Variants in KLHL1 observed in about 807,000 individuals in gnomAD.
KLHL1 encodes the protein kelch-like protein 1.
A neutral mutation model predicts 77.7 loss-of-function variants in KLHL1; 47 were observed. The observed-to-expected ratio is 0.60, with a 90% CI of 0.48 to 0.77. The LOEUF (loss-of-function observed/expected upper bound fraction) is 0.77. KLHL1 is among the 30% of genes least tolerant of loss of function. The pLI is 0.00. For missense variants in KLHL1, 925 were observed against 910.8 expected, an observed-to-expected ratio of 1.02 and a Z score of -0.20; for synonymous variants, 360 against 325.2, an observed-to-expected ratio of 1.11 and a Z score of -1.15.
chr13:69,834,353 A>T (rs2138100094), intron 6 of KLHL1, among the ~76,000 whole-genome samples: 1 of 152,150 alleles, frequency 6.6e-6, no homozygotes, highest in African/African-American at 2.4e-5. Context: ...ACTTAAAAAA[A>T]ATCAGTTACT....
intron 7 of KLHL1, among the ~76,000 whole-genome samples, chr13:69,760,587 T>C (rs1874974776): frequency 6.6e-6 from 1 of 152,066 alleles, no homozygotes; most frequent in Non-Finnish European, 1.5e-5. Flanking sequence ...TCTCCTGACC[T>C]CAGGTGATCC....
At chr13:70,034,123 C>T (rs1886183872) in intron 1 of KLHL1, among the ~76,000 whole-genome samples, 1 of 152,092 alleles carries the variant, frequency 6.6e-6, no homozygotes, top group Non-Finnish European at 1.5e-5. Flanking sequence ...GCCAAGTTTG[C>T]AAAAACTTTC....
chr13:69,861,960 C>T (rs1165289999), intron 5 of KLHL1, among the ~76,000 whole-genome samples: 1 of 121,842 alleles, frequency 8.2e-6, no homozygotes, highest in African/African-American at 3.1e-5. Context: ...AGCGAAACTC[C>T]GTCTCAAAAT....
chr13:69,844,998 C>T (rs1879406011), intron 5 of KLHL1, among the ~76,000 whole-genome samples: 2 of 151,518 alleles, frequency 1.3e-5, no homozygotes, highest in Admixed American at 1.3e-4. Flanking sequence ...ATCTGTGAAC[C>T]CACAAAAATA....
intron 1 of KLHL1, among the ~76,000 whole-genome samples, chr13:70,071,918 A>C (rs1455616005): frequency 6.6e-6 from 1 of 152,126 alleles, no homozygotes; most frequent in Non-Finnish European, 1.5e-5. Flanking sequence ...ACAGAAGAGA[A>C]AATTAAGCCT....
intron 1 of KLHL1, among the ~76,000 whole-genome samples, chr13:69,988,290 G>A (rs1448426172): frequency 6.6e-6 from 1 of 152,050 alleles, no homozygotes; most frequent in African/African-American, 2.4e-5. Context: ...GCAAGGACAT[G>A]ACCTCATTCT....
At chr13:69,915,272 C>G (rs940982233) in intron 4 of KLHL1, among the ~76,000 whole-genome samples, 1 of 152,118 alleles carries the variant, frequency 6.6e-6, no homozygotes, top group East Asian at 1.9e-4. Flanking sequence ...CAAAAAAGAG[C>G]CTGCATTGCC....
intron 1 of KLHL1, among the ~76,000 whole-genome samples, chr13:69,981,844 C>T (rs1884719932): frequency 6.6e-6 from 1 of 151,382 alleles, no homozygotes; most frequent in African/African-American, 2.4e-5. Flanking sequence ...CAAAAGAATG[C>T]AAATGTGACT....
At chr13:69,717,081 C>A (rs1014076764) in intron 9 of KLHL1, among the ~76,000 whole-genome samples, 3 of 152,110 alleles carry the variant, frequency 2.0e-5, no homozygotes, top group African/African-American at 4.8e-5. Flanking sequence ...TTAAGACAGC[C>A]TGAGTGCAAA....
chr13:69,747,674 A>T (rs953864319), intron 7 of KLHL1, among the ~76,000 whole-genome samples: 5 of 151,974 alleles, frequency 3.3e-5, no homozygotes, highest in African/African-American at 1.2e-4. Flanking sequence ...AACAACCAGG[A>T]TATTAAAATA....
At chr13:69,729,085 AAC>A (rs1456641608) in intron 8 of KLHL1, among the ~76,000 whole-genome samples, 1 of 152,152 alleles carries the variant, frequency 6.6e-6, no homozygotes, top group Non-Finnish European at 1.5e-5. Flanking sequence ...CCAAAGAAGA[AAC>A]AAAAATAACC....
chr13:69,891,970 CA>C (rs1295885296), intron 4 of KLHL1, among the ~76,000 whole-genome samples: 1 of 151,938 alleles, frequency 6.6e-6, no homozygotes, highest in Admixed American at 6.6e-5. Flanking sequence ...ACAAAACTAA[CA>C]AATTTCTCAA....
intron 3 of KLHL1, among the ~76,000 whole-genome samples, chr13:69,946,385 T>C (rs1044760891): frequency 6.6e-6 from 1 of 152,210 alleles, no homozygotes; most frequent in South Asian, 2.1e-4. Flanking sequence ...TCAAAATATA[T>C]TTAATAAATG....
intron 7 of KLHL1, among the ~76,000 whole-genome samples, chr13:69,761,550 A>T (rs1321271090): frequency 2.6e-5 from 4 of 152,200 alleles, no homozygotes; most frequent in African/African-American, 9.6e-5. Context: ...AGGTTGGTGG[A>T]CAATAATTAA....
intron 1 of KLHL1, among the ~76,000 whole-genome samples, chr13:70,092,399 T>C (rs1259836312): frequency 6.6e-6 from 1 of 152,130 alleles, no homozygotes; most frequent in Non-Finnish European, 1.5e-5. Flanking sequence ...CACTACTCTA[T>C]GTGTTTCCAA....
At chr13:70,038,777 G>C (rs1886302319) in intron 1 of KLHL1, among the ~76,000 whole-genome samples, 1 of 151,680 alleles carries the variant, frequency 6.6e-6, no homozygotes, top group Non-Finnish European at 1.5e-5. Context: ...TTTTAGTAGA[G>C]ACAGGGTTTC....
intron 6 of KLHL1, among the ~76,000 whole-genome samples, chr13:69,813,503 C>CACACACACACACACACACACACATATAT (rs34163072): frequency 1.3e-5 from 2 of 148,840 alleles, no homozygotes; most frequent in African/African-American, 5.0e-5. Flanking sequence ...CACACACACA[C>CACACACACACACACACACACACATATAT]ATATATATAT....
chr13:70,077,313 T>C lies in KLHL1; in HGVS notation c.497+29890A>G, dbSNP rs945136739. On this transcript the variant is annotated intron_variant, in intron 1 of 10. Transcript: ENST00000377844. ...TGAGCTCTTAAGTCTCAAAAATACA[T>C]GGAGGAAACTTAAATGTATACTGCT... Among the ~76,000 whole-genome samples, 7 of 151,932 alleles carry C rather than the reference T, an allele frequency of 4.6e-5. No individual in the cohort carries two copies. The East Asian group carries it at 5.8e-4, about 13-fold the overall frequency.
intron 4 of KLHL1, among the ~76,000 whole-genome samples, chr13:69,896,022 T>G (rs1308168218): frequency 6.6e-6 from 1 of 152,060 alleles, no homozygotes; most frequent in Non-Finnish European, 1.5e-5. Context: ...AAAATCTGTT[T>G]TCAAGCTCAT....
Sources: gnomAD v4.1 joint callset for allele counts (sites outside exome capture counted in the v4.1 genomes callset) on GRCh38, gnomAD v4.1.1 for gene constraint, MANE v1.5 for transcripts, NCBI Gene and HGNC (gene_info 2026-07-23, HGNC 2026-07-21) for gene names.